PRCD: variants seen among roughly 807,000 people sequenced by gnomAD.
The protein encoded by PRCD is photoreceptor disc component.
Under a neutral mutation model 10.1 loss-of-function variants are expected in PRCD, and 12 were observed. The ratio of observed to expected loss-of-function variants is 1.18; its 90% CI spans 0.76 to 1.92. The LOEUF (loss-of-function observed/expected upper bound fraction) is 1.92. Among genes scored for constraint, PRCD ranks in the 40% most tolerant of loss-of-function variants. The pLI, the probability that PRCD is intolerant of heterozygous loss-of-function variation, is 0.00. For synonymous variants in PRCD, 31 were observed against 26.2 expected, an observed-to-expected ratio of 1.18 and a Z score of -0.56; for missense variants, 61 against 72.2, an observed-to-expected ratio of 0.84 and a Z score of 0.56.
In PRCD at chr17:76,530,682, TG is replaced by T. The variant is rs2143077943; in HGVS notation, n.45+2852del. 6.6e-6 allele frequency among the ~76,000 whole-genome samples: 1 copy of T among 152,312 alleles called. No individual in the cohort carries two copies. Among genetic ancestry groups the T allele is most frequent in the Non-Finnish European group, 1.5e-5 (1 of 68,024 alleles). On this transcript the variant is annotated intron_variant and non_coding_transcript_variant, in intron 1 of 4. Coordinates refer to the PRCD transcript ENST00000397633. The surrounding 1 kb of genome is among the most constrained non-coding windows in gnomAD (Gnocchi z 6.1). ...CAGGAGCCTCTGGCGCCTCTCTGCC[TG>T]GGCAGCTGTGGCTTTGGGTGCTCTG... is the stretch of plus-strand genomic sequence containing the variant.
chr17:76,529,178 G>T (rs992008899), intron 1 of PRCD: 1 of 984,914 alleles, frequency 1.0e-6, no homozygotes, highest in Non-Finnish European at 1.2e-6. Context: ...ACTCTACTCT[G>T]TAACTCCATC....
chr17:76,534,172 CTCTCTT>C (rs1379985244), intron 1 of PRCD, among the ~76,000 whole-genome samples: 444 of 145,490 alleles, frequency 3.1e-3, no homozygotes, highest in Non-Finnish European at 4.7e-3. Flanking sequence ...CTCTCTCTCT[CTCTCTT>C]TCTTTCTTTC....
Position 76,533,004 on chromosome 17 carries a change from G to A in PRCD, n.45+5171G>A, listed in dbSNP as rs146849292. On this transcript the variant is annotated intron_variant and non_coding_transcript_variant, in intron 1 of 4. Transcript: ENST00000397633. The surrounding 1 kb of genome is among the most constrained non-coding windows in gnomAD (Gnocchi z 4.5). The stretch of plus-strand genomic sequence containing the variant: ...CTGCCCCTTCGTGTGTCCCCTTTGC[G>A]ATCAGAGAGAGCTGATAATTTGCGG... Among the ~76,000 whole-genome samples, 370 of 152,326 alleles carry A rather than the reference G, an allele frequency of 2.4e-3. 2 individuals carry two copies. The highest frequency in any genetic ancestry group is 8.1e-3 in the African/African-American group (335 of 41,590).
Position 76,529,211 on chromosome 17 carries a change from C to T in PRCD, n.45+1378C>T, listed in dbSNP as rs150285359. 1.0e-5 allele frequency: 10 copies of T among 985,400 alleles called. No homozygotes were observed. The East Asian group carries it at 1.1e-3, about 112-fold the overall frequency. The allele number at this position is 985,400 out of a possible 1,614,324, so 61.0% of individuals were successfully genotyped here. On this transcript the variant is annotated intron_variant and non_coding_transcript_variant, in intron 1 of 4. Transcript: ENST00000397633. Reference sequence around the variant, plus strand: ...ATCCTACCCTCGAGCCCATGGGGACCCTGGCAGCAGGGAGGCTCTGCAGGC... The same window carrying T: ...ATCCTACCCTCGAGCCCATGGGGACTCTGGCAGCAGGGAGGCTCTGCAGGC...
Position 76,531,440 on chromosome 17 carries a change from C to CA in PRCD, n.45+3608dup. ...TGACGCGTGGGCGGTGGGGGCTCTG[C>CA]AGCAGATGGGGGCGCATACCTTGAA... On this transcript the variant is annotated intron_variant and non_coding_transcript_variant, in intron 1 of 4. Transcript: ENST00000397633. The surrounding 1 kb of genome is among the most constrained non-coding windows in gnomAD (Gnocchi z 7.4). The CA allele has an allele frequency of 6.3e-7, 1 of 1,594,908 alleles. No homozygotes were observed. Among genetic ancestry groups the CA allele is most frequent in the Non-Finnish European group, 8.6e-7 (1 of 1,164,230 alleles).
At position 76,544,280 on chromosome 17, in the gene PRCD, T is replaced by A. The variant is rs1008203164; in HGVS notation, c.*630T>A. On this transcript the variant is annotated 3_prime_UTR_variant, in exon 5 of 5. Coordinates refer to ENST00000592014, the MANE Select transcript of PRCD (RefSeq NM_001077620.3). ...GCGATGTCTCTGCCTGGCTGGCCCG[T>A]GCCCTTGACTTCCAGGCAGTAGAAG... 4.4e-6 allele frequency: 2 copies of A among 454,498 alleles called. No homozygotes were observed. Among genetic ancestry groups the A allele is most frequent in the Admixed American group, 4.7e-5 (2 of 42,572 alleles). 28.2% of individuals were successfully genotyped at this position (454,498 alleles called of 1,614,324 possible).
At chr17:76,537,288 A>G, upstream of PRCD, 1 of 1,251,826 alleles carries the variant, frequency 8.0e-7, no homozygotes, top group Non-Finnish European at 1.0e-6. Context: ...GACCGGCCCC[A>G]TTCGCGGCTG....
At position 76,529,653 on chromosome 17, in the gene PRCD, G is replaced by A. The variant is rs1393995886; in HGVS notation, n.45+1820G>A. ...AGCCTGCGTGGGGAGAGGGGTGGGAGGGCAGGCAAGCCCCCTCCCCTCCTC... is the reference window on the plus strand; with the variant it reads ...AGCCTGCGTGGGGAGAGGGGTGGGAAGGCAGGCAAGCCCCCTCCCCTCCTC... On this transcript the variant is annotated intron_variant and non_coding_transcript_variant, in intron 1 of 4. Transcript: ENST00000397633. 4 of 985,330 alleles carry A rather than the reference G, an allele frequency of 4.1e-6. No individual in the cohort carries two copies. The East Asian group carries it at 4.5e-4, about 112-fold the overall frequency. The allele number at this position is 985,330 out of a possible 1,614,324, so 61.0% of individuals were successfully genotyped here.
chr17:76,540,655 G>C lies in PRCD; in HGVS notation c.143+82G>C. On this transcript the variant is annotated intron_variant, in intron 2 of 4. Transcript: ENST00000592014. The surrounding 1 kb of genome is among the most constrained non-coding windows in gnomAD (Gnocchi z 5.0). ...TGCATGCCTGGGGGTGCACGTGTGTGCCTGTGCGCGCCTGTGCGTGCACCG... is the reference window on the plus strand; with the variant it reads ...TGCATGCCTGGGGGTGCACGTGTGTCCCTGTGCGCGCCTGTGCGTGCACCG... The C allele has an allele frequency of 7.7e-7, 1 of 1,298,586 alleles. No individual in the cohort carries two copies. Among genetic ancestry groups the C allele is most frequent in the Non-Finnish European group, 1.1e-6 (1 of 905,566 alleles). 80.4% of individuals were successfully genotyped at this position (1,298,586 alleles called of 1,614,324 possible). A position where few individuals can be genotyped will look rare whatever the true frequency, so the allele number is the denominator to read the frequency against.
At chr17:76,534,829 G>A (rs867977337) in intron 1 of PRCD, among the ~76,000 whole-genome samples, 10 of 152,318 alleles carry the variant, frequency 6.6e-5, no homozygotes, top group Non-Finnish European at 1.5e-4. Flanking sequence ...GACAGTCTCA[G>A]GGAGTCCCCA....
At chr17:76,537,593 C>T (rs2074934291), upstream of PRCD, 2 of 1,047,698 alleles carry the variant, frequency 1.9e-6, no homozygotes, top group Admixed American at 5.7e-5. Flanking sequence ...GGTGGCGGGG[C>T]GCGGGGCGCG....
In PRCD at chr17:76,544,903, T is replaced by A; in HGVS notation, c.*1253T>A. On this transcript the variant is annotated 3_prime_UTR_variant, in exon 5 of 5. Coordinates refer to ENST00000592014, the MANE Select transcript of PRCD (RefSeq NM_001077620.3). Reference sequence around the variant, plus strand: ...CCAGGGCAGCGCCCCTCCACGCCACTGTTCCGAGAACCTGCGCAGGAGGTG... The same window carrying A: ...CCAGGGCAGCGCCCCTCCACGCCACAGTTCCGAGAACCTGCGCAGGAGGTG... The A allele has an allele frequency of 2.2e-6, 1 of 456,782 alleles. No individual in the cohort carries two copies. Among genetic ancestry groups the A allele is most frequent in the Non-Finnish European group, 4.4e-6 (1 of 226,970 alleles). 28.3% of individuals were successfully genotyped at this position (456,782 alleles called of 1,614,324 possible).
downstream of PRCD, among the ~76,000 whole-genome samples, chr17:76,549,421 A>G (rs2075086313): frequency 6.6e-6 from 1 of 152,226 alleles, no homozygotes; most frequent in Admixed American, 6.5e-5. Flanking sequence ...GCAAATCAAA[A>G]GCCCAATGAC....
rs1331938736 is a variant in PRCD, at chr17:76,533,714, C to A, written n.45+5881C>A. On this transcript the variant is annotated intron_variant and non_coding_transcript_variant, in intron 1 of 4. Transcript: ENST00000397633. The surrounding 1 kb of genome is among the most constrained non-coding windows in gnomAD (Gnocchi z 4.5). ...CTCCAGCCTGGGTGACAGAGTGAGA[C>A]CCTGAATCCAAAGAAATAATGATAA... is the stretch of plus-strand genomic sequence containing the variant. 1.3e-5 allele frequency among the ~76,000 whole-genome samples: 2 copies of A among 151,838 alleles called. No individual in the cohort carries two copies. The highest frequency in any genetic ancestry group is 3.9e-4 in the East Asian group (2 of 5,166).
At position 76,544,662 on chromosome 17, in the gene PRCD, C is replaced by A; in HGVS notation, c.*1012C>A. Reference sequence around the variant, plus strand: ...CTGTCTCTCTCTTTGGAGGCATCGGCCTTCCTGGTGACAGGCCTGTCAGGC... The same window carrying A: ...CTGTCTCTCTCTTTGGAGGCATCGGACTTCCTGGTGACAGGCCTGTCAGGC... On this transcript the variant is annotated 3_prime_UTR_variant, in exon 5 of 5. Coordinates refer to ENST00000592014, the MANE Select transcript of PRCD (RefSeq NM_001077620.3). 1 of 456,798 alleles carries A rather than the reference C, an allele frequency of 2.2e-6. No homozygotes were observed. Among genetic ancestry groups the A allele is most frequent in the South Asian group, 1.5e-5 (1 of 64,578 alleles). The allele number at this position is 456,798 out of a possible 1,614,324, so 28.3% of individuals were successfully genotyped here. A position where few individuals can be genotyped will look rare whatever the true frequency, so the allele number is the denominator to read the frequency against.
At chr17:76,539,974 C>T (rs916560759), upstream of PRCD, 4 of 687,842 alleles carry the variant, frequency 5.8e-6, no homozygotes, top group Non-Finnish European at 5.0e-6. Flanking sequence ...TCAGTCCTCA[C>T]AAGGTCGGGG....
chr17:76,533,732 A>G lies in PRCD; in HGVS notation n.45+5899A>G, dbSNP rs2074877529. Among the ~76,000 whole-genome samples the G allele has an allele frequency of 6.6e-6, 1 of 151,896 alleles. No individual in the cohort carries two copies. Among genetic ancestry groups the G allele is most frequent in the Non-Finnish European group, 1.5e-5 (1 of 67,984 alleles). ...AGTGAGACCCTGAATCCAAAGAAAT[A>G]ATGATAATAATAATAATAAAAGGTC... On this transcript the variant is annotated intron_variant and non_coding_transcript_variant, in intron 1 of 4. Coordinates refer to the PRCD transcript ENST00000397633. The surrounding 1 kb of genome is among the most constrained non-coding windows in gnomAD (Gnocchi z 4.5).
chr17:76,540,537 G>C lies in PRCD; in HGVS notation c.107G>C (p.Gly36Ala). The change falls in exon 2 of 5, where the codon GGC (glycine) becomes GCC (alanine). Residue 36 changes from glycine to alanine, a missense_variant. Physicochemically the swap from Gly to Ala is moderately conservative, Grantham distance 60 (BLOSUM62 0). Transcript: ENST00000592014. The surrounding 1 kb of genome is among the most constrained non-coding windows in gnomAD (Gnocchi z 5.0). ...EPSDVDGAAR[G>A]SSLDADPQSS... ...AGCGACGTGGATGGGGCAGCTAGGG[G>C]CAGCAGCTTGGATGCGGACCCTCAG... is the stretch of plus-strand genomic sequence containing the variant. The C allele has an allele frequency of 6.2e-7, 1 of 1,613,652 alleles. No homozygotes were observed. The highest frequency in any genetic ancestry group is 1.1e-5 in the South Asian group (1 of 91,074).
At chr17:76,532,798 A>G (rs910187129) in intron 1 of PRCD, among the ~76,000 whole-genome samples, 1 of 152,016 alleles carries the variant, frequency 6.6e-6, no homozygotes. Context: ...CAGCCTCCCA[A>G]AGTGCTGGGA....
Sources: allele counts gnomAD v4.1 joint callset (sites outside exome capture counted in the v4.1 genomes callset), GRCh38; gene constraint gnomAD v4.1.1; non-coding constraint Gnocchi (gnomAD v3.1); transcripts MANE v1.5; gene names NCBI Gene and HGNC (gene_info 2026-07-23, HGNC 2026-07-21).